The following AMBRA1 variants were observed in gnomAD, a reference collection of about 807,000 sequenced individuals.
AMBRA1 encodes the protein activating molecule in BECN1-regulated autophagy protein 1.
AMBRA1 carries 47 observed loss-of-function variants against 125.4 expected under a neutral mutation model. The ratio of observed to expected loss-of-function variants is 0.37; its 90% CI spans 0.30 to 0.48. AMBRA1 has a LOEUF of 0.48. Among genes scored for constraint, AMBRA1 ranks in the 20% least tolerant of loss-of-function variants. The pLI is 0.99. For missense variants in AMBRA1, 1,331 were observed against 1,693.4 expected, an observed-to-expected ratio of 0.79 and a Z score of 3.76; for synonymous variants, 626 against 655.5, an observed-to-expected ratio of 0.95 and a Z score of 0.69.
intron 14 of AMBRA1, among the ~76,000 whole-genome samples, chr11:46,422,055 T>A (rs1254348478): frequency 6.6e-6 from 1 of 152,096 alleles, no homozygotes; most frequent in African/African-American, 2.4e-5. Context: ...ACCCACCCTG[T>A]CCCCCACTCT....
intron 11 of AMBRA1, among the ~76,000 whole-genome samples, chr11:46,461,404 G>T (rs953075494): frequency 6.6e-6 from 1 of 152,168 alleles, no homozygotes; most frequent in African/African-American, 2.4e-5. Context: ...AAATTTCTGG[G>T]CATATGTTTG....
chr11:46,550,791 A>T (rs1169887558), intron 1 of AMBRA1, among the ~76,000 whole-genome samples: 1 of 152,086 alleles, frequency 6.6e-6, no homozygotes, highest in Non-Finnish European at 1.5e-5. Flanking sequence ...GCTACTGATA[A>T]GAACAGATGT....
chr11:46,435,067 A>G, intron 12 of AMBRA1, 30 bp from the exon 13 acceptor site: 1 of 1,556,698 alleles, frequency 6.4e-7, no homozygotes, highest in Non-Finnish European at 8.7e-7. Context: ...AAAAGAGGAT[A>G]AGAAACTTTG....
In AMBRA1 at chr11:46,582,015, C is replaced by T. The variant is rs1396723321; in HGVS notation, c.-121+11813G>A. On this transcript the variant is annotated intron_variant, in intron 1 of 17. Transcript: ENST00000683756. ...CCTGTAGTCCCAGCTACTTGGGAAG[C>T]CGAGGTGGGAGGATCCTTGAGCCTA... Among the ~76,000 whole-genome samples, 3 of 151,154 alleles carry T rather than the reference C, an allele frequency of 2.0e-5. No homozygotes were observed. The East Asian group carries it at 5.8e-4, about 29-fold the overall frequency.
At chr11:46,553,543 G>A (rs910685067) in intron 1 of AMBRA1, among the ~76,000 whole-genome samples, 8 of 151,868 alleles carry the variant, frequency 5.3e-5, no homozygotes, top group Admixed American at 5.3e-4. Context: ...TCAGAAGTTC[G>A]AGACCAGCCT....
At chr11:46,482,461 C>A (rs1180356025) in intron 11 of AMBRA1, among the ~76,000 whole-genome samples, 18 of 152,192 alleles carry the variant, frequency 1.2e-4, no homozygotes, top group African/African-American at 4.3e-4. Flanking sequence ...GCCACTGGCA[C>A]TAACTATATC....
intron 1 of AMBRA1, among the ~76,000 whole-genome samples, chr11:46,588,989 C>T (rs1405114461): frequency 6.6e-6 from 1 of 152,074 alleles, no homozygotes; most frequent in Non-Finnish European, 1.5e-5. Context: ...CTAAAGGACT[C>T]TTATAAGTAA....
At chr11:46,545,513 T>A in intron 5 of AMBRA1, 91 bp downstream of exon 5, 1 of 1,478,338 alleles carries the variant, frequency 6.8e-7, no homozygotes, top group South Asian at 1.3e-5. Context: ...TGAGCAGGGA[T>A]AACAACCTGA....
intron 11 of AMBRA1, among the ~76,000 whole-genome samples, chr11:46,485,737 C>CA (rs1358175466): frequency 6.6e-6 from 1 of 152,134 alleles, no homozygotes; most frequent in African/African-American, 2.4e-5. Context: ...AAAAGAGAGA[C>CA]AAAAGCACAG....
In AMBRA1 at chr11:46,471,770, G is replaced by C. The variant is rs553070572; in HGVS notation, c.2521+21838C>G. ...AGCCTCCTGAGTAACTGGGACTACA[G>C]GCACGCGTCACCATGCCCAGCTAAT... On this transcript the variant is annotated intron_variant, in intron 11 of 17. Coordinates refer to ENST00000683756, the MANE Select transcript of AMBRA1 (RefSeq NM_001387011.1). Among the ~76,000 whole-genome samples, 6 of 151,778 alleles carry C rather than the reference G, an allele frequency of 4.0e-5. No individual in the cohort carries two copies. In the East Asian group the frequency reaches 1.2e-3, roughly 30 times the overall value.
At chr11:46,464,247 G>A (rs1280669076) in intron 11 of AMBRA1, among the ~76,000 whole-genome samples, 1 of 152,200 alleles carries the variant, frequency 6.6e-6, no homozygotes, top group African/African-American at 2.4e-5. Flanking sequence ...GACGCCCTGT[G>A]AGCAGACTTG....
At chr11:46,408,071 C>T (rs1039464832) in intron 17 of AMBRA1, among the ~76,000 whole-genome samples, 7 of 152,144 alleles carry the variant, frequency 4.6e-5, no homozygotes, top group African/African-American at 1.4e-4. Flanking sequence ...AAAATGTCAA[C>T]GAGCCCCAGG....
intron 11 of AMBRA1, among the ~76,000 whole-genome samples, chr11:46,490,360 G>A (rs193181587): frequency 5.3e-5 from 8 of 152,152 alleles, no homozygotes; most frequent in Non-Finnish European, 7.3e-5. Flanking sequence ...CAAGATAAGG[G>A]AGAAGAGATG....
At chr11:46,535,190 C>T (rs1228680983) in intron 7 of AMBRA1, among the ~76,000 whole-genome samples, 2 of 152,242 alleles carry the variant, frequency 1.3e-5, no homozygotes, top group South Asian at 2.1e-4. Context: ...CCTTAAATGC[C>T]GAACTTCTAA....
At chr11:46,547,998 C>A (rs1262190316) in intron 2 of AMBRA1, 123 bp from the exon 3 acceptor site, 3 of 1,262,196 alleles carry the variant, frequency 2.4e-6, no homozygotes, top group Non-Finnish European at 3.3e-6. Context: ...AAACTGGAGA[C>A]AATGATCAAG....
intron 15 of AMBRA1, among the ~76,000 whole-genome samples, chr11:46,417,292 C>T (rs1419071094): frequency 5.9e-5 from 9 of 152,226 alleles, no homozygotes; most frequent in South Asian, 2.1e-4. Flanking sequence ...CCTCGTGATC[C>T]GCCTGCCTCA....
chr11:46,428,846 C>A (rs547594149), intron 14 of AMBRA1: 1 of 1,611,648 alleles, frequency 6.2e-7, no homozygotes, highest in East Asian at 2.2e-5. Flanking sequence ...CCGAGGCCTG[C>A]CAGTCTCTGG....
chr11:46,474,968 T>C (rs149065218), intron 11 of AMBRA1, among the ~76,000 whole-genome samples: 1 of 152,220 alleles, frequency 6.6e-6, no homozygotes, highest in East Asian at 1.9e-4. Context: ...CATATATGTA[T>C]AACATGAGGA....
chr11:46,456,386 C>T (rs1948846461), intron 11 of AMBRA1, among the ~76,000 whole-genome samples: 1 of 152,198 alleles, frequency 6.6e-6, no homozygotes, highest in South Asian at 2.1e-4. Flanking sequence ...AATACTTAAT[C>T]CCAGCAACAG....
Sources: gnomAD v4.1 joint callset for allele counts (sites outside exome capture counted in the v4.1 genomes callset) on GRCh38, gnomAD v4.1.1 for gene constraint, MANE v1.5 for transcripts, NCBI Gene and HGNC (gene_info 2026-07-23, HGNC 2026-07-21) for gene names.